The following GUF1 variants were observed in gnomAD, a reference collection of about 807,000 sequenced individuals.
The protein encoded by GUF1 is translation factor GUF1, mitochondrial.
In GUF1, 78 loss-of-function variants were observed where a neutral mutation model predicts 82.4. That is an observed-to-expected ratio of 0.95 (90% CI 0.79 to 1.14). The LOEUF is 1.14. Ranked by LOEUF, GUF1 falls within the 50% of genes most tolerant of loss-of-function variation. The probability of loss-of-function intolerance (pLI) is 0.00; values close to 1 mark genes in which losing one functional copy is unlikely to be tolerated. For missense variants in GUF1, 814 were observed against 798.2 expected (o/e 1.02, Z -0.24); for synonymous variants, 279 against 282.3 (o/e 0.99, Z 0.12).
chr4:44,697,437 C>A lies in GUF1; in HGVS notation c.1865C>A (p.Ala622Glu). The part of the protein sequence containing the change: ...TVKAYRKNVL[A>E]KCYGGDITRK... Reference sequence around the variant, plus strand: ...AAAGCCTATAGGAAAAACGTTTTGGCAAAATGTGTATGTATCTAGTTGTAT... The same window carrying A: ...AAAGCCTATAGGAAAAACGTTTTGGAAAAATGTGTATGTATCTAGTTGTAT... Residue 622 changes from alanine (A) to glutamate (E), a missense_variant, in exon 16 of 17, where the codon GCA becomes GAA. By Grantham distance (107) the Ala-to-Glu change is moderately radical. Transcript: ENST00000281543. 6.4e-7 allele frequency: 1 copy of A among 1,553,954 alleles called. No individual in the cohort carries two copies. Among genetic ancestry groups the A allele is most frequent in the African/African-American group, 1.4e-5 (1 of 72,996 alleles).
At chr4:44,698,491 A>G in intron 16 of GUF1, 53 bp from the exon 17 acceptor site, 4 of 1,406,914 alleles carry the variant, frequency 2.8e-6, no homozygotes, top group Non-Finnish European at 3.9e-6. Flanking sequence ...TAATCATATG[A>G]TTGTTTCTCT....
chr4:44,686,974 T>C (rs1560343849), intron 8 of GUF1, among the ~76,000 whole-genome samples: 1 of 151,938 alleles, frequency 6.6e-6, no homozygotes, highest in African/African-American at 2.4e-5. Flanking sequence ...TCGATGTATT[T>C]GATGAGACAA....
At position 44,700,146 on chromosome 4, in the gene GUF1, G is replaced by C. The variant is rs554623446; in HGVS notation, c.*1465G>C. On this transcript the variant is annotated 3_prime_UTR_variant, in exon 17 of 17. Coordinates refer to ENST00000281543, the MANE Select transcript of GUF1 (RefSeq NM_021927.3). ...TATCAAGGATGAATTTTATACTAAG[G>C]TTATATGAAAGAAAAATCTCAAAAC... is the stretch of plus-strand genomic sequence containing the variant. The C allele has an allele frequency of 1.2e-4, 19 of 152,230 alleles. No homozygotes were observed. Among genetic ancestry groups the C allele is most frequent in the Admixed American group, 3.9e-4 (6 of 15,286 alleles). 9.4% of individuals were successfully genotyped at this position (152,230 alleles called of 1,614,324 possible).
At position 44,700,141 on chromosome 4, in the gene GUF1, C is replaced by T. The variant is rs1327961181; in HGVS notation, c.*1460C>T. 6.6e-6 allele frequency: 1 copy of T among 152,108 alleles called. No homozygotes were observed. Among genetic ancestry groups the T allele is most frequent in the Non-Finnish European group, 1.5e-5 (1 of 68,022 alleles). 9.4% of individuals were successfully genotyped at this position (152,108 alleles called of 1,614,324 possible). A position where few individuals can be genotyped will look rare whatever the true frequency, so the allele number is the denominator to read the frequency against. ...AACACTATCAAGGATGAATTTTATA[C>T]TAAGGTTATATGAAAGAAAAATCTC... On this transcript the variant is annotated 3_prime_UTR_variant, in exon 17 of 17. Coordinates refer to ENST00000281543, the MANE Select transcript of GUF1 (RefSeq NM_021927.3).
intron 6 of GUF1, among the ~76,000 whole-genome samples, chr4:44,685,686 A>G (rs1301601519): frequency 6.6e-6 from 1 of 152,072 alleles, no homozygotes; most frequent in Non-Finnish European, 1.5e-5. Context: ...ATGCAAAGAC[A>G]TGATTGTTAC....
intron 13 of GUF1, among the ~76,000 whole-genome samples, chr4:44,693,752 T>C (rs1356092199): frequency 6.6e-6 from 1 of 152,134 alleles, no homozygotes; most frequent in Admixed American, 6.5e-5. Context: ...TAAATGTCTG[T>C]TTTGACTAAC....
chr4:44,691,603 T>G, intron 12 of GUF1, 63 bp from the exon 13 acceptor site: 3 of 1,291,644 alleles, frequency 2.3e-6, no homozygotes, highest in East Asian at 4.9e-5. Flanking sequence ...TTTAGAGAAA[T>G]ACATCATTCC....
intron 15 of GUF1, 23 bp from the exon 16 acceptor site, chr4:44,697,385 A>G (rs766884653): frequency 1.3e-5 from 19 of 1,518,278 alleles, no homozygotes; most frequent in Non-Finnish European, 1.7e-5. Context: ...TTATGTACTT[A>G]AACGAATTTT....
rs1277632478 is a variant in GUF1 at position 44,699,699 on chromosome 4, C to T, written c.*1018C>T. ...CTTATTAAACAGTAAACTCAAATAA[C>T]ATAGACATCAAATAACAGACATCTG... On this transcript the variant is annotated 3_prime_UTR_variant, in exon 17 of 17. Coordinates refer to ENST00000281543, the MANE Select transcript of GUF1 (RefSeq NM_021927.3). 2 of 152,170 alleles carry T rather than the reference C, an allele frequency of 1.3e-5. No homozygotes were observed. Among genetic ancestry groups the T allele is most frequent in the Non-Finnish European group, 2.9e-5 (2 of 68,012 alleles). The allele number at this position is 152,170 out of a possible 1,614,324, so 9.4% of individuals were successfully genotyped here.
At chr4:44,684,121 A>G (rs1297866681) in intron 6 of GUF1, among the ~76,000 whole-genome samples, 1 of 152,132 alleles carries the variant, frequency 6.6e-6, no homozygotes, top group East Asian at 1.9e-4. Context: ...TCAATAAATA[A>G]GTAAACAAAG....
intron 13 of GUF1, chr4:44,694,209 G>A: frequency 2.0e-6 from 1 of 495,912 alleles, no homozygotes; most frequent in East Asian, 4.0e-5. Context: ...TATTCCCCTT[G>A]CTTTTGCCCT....
chr4:44,686,852 C>A, intron 8 of GUF1, 139 bp downstream of exon 8: 1 of 616,168 alleles, frequency 1.6e-6, no homozygotes, highest in Non-Finnish European at 2.9e-6. Context: ...ACAGTAAATG[C>A]TCTGTCAAGG....
chr4:44,688,254 C>G, intron 9 of GUF1, 108 bp downstream of exon 9: 3 of 1,035,386 alleles, frequency 2.9e-6, no homozygotes, highest in African/African-American at 1.6e-5. Context: ...TAAATAACCA[C>G]TAATTCCAGC....
At position 44,697,428 on chromosome 4, in the gene GUF1, A is replaced by C. The variant is rs1427696900; in HGVS notation, c.1856A>C (p.Asn619Thr). ...ARETVKAYRK[N>T]VLAKCYGGDI... is the part of the protein sequence containing the mutation. ...TACAGTGTGAAAGCCTATAGGAAAAACGTTTTGGCAAAATGTGTATGTATC... is the reference window on the plus strand; with the variant it reads ...TACAGTGTGAAAGCCTATAGGAAAACCGTTTTGGCAAAATGTGTATGTATC... Residue 619 changes from asparagine to threonine, a missense_variant, in exon 16 of 17, where the codon AAC (asparagine) becomes ACC (threonine). Transcript: ENST00000281543. The C allele has an allele frequency of 1.3e-6, 2 of 1,563,394 alleles. No homozygotes were observed. Among genetic ancestry groups the C allele is most frequent in the Non-Finnish European group, 8.7e-7 (1 of 1,144,044 alleles).
At chr4:44,687,210 G>A (rs1477079945) in intron 8 of GUF1, among the ~76,000 whole-genome samples, 1 of 151,918 alleles carries the variant, frequency 6.6e-6, no homozygotes, top group Non-Finnish European at 1.5e-5. Flanking sequence ...TATTTATTGA[G>A]TGCCTACTCC....
Position 44,689,325 on chromosome 4 carries a change from A to G in GUF1, c.1118A>G (p.Lys373Arg), listed in dbSNP as rs762008984. 1 of 1,610,074 alleles carries G rather than the reference A, an allele frequency of 6.2e-7. No individual in the cohort carries two copies. Among genetic ancestry groups the G allele is most frequent in the African/African-American group, 1.3e-5 (1 of 74,712 alleles). ...PLDQSEYNNLKSAIEKLTLND... is the reference protein window; with the variant it reads ...PLDQSEYNNLRSAIEKLTLND... ...GACCAATCTGAATATAACAATCTGAAGAGTGCTATAGAAAAACTGACTTTA... is the reference window on the plus strand; with the variant it reads ...GACCAATCTGAATATAACAATCTGAGGAGTGCTATAGAAAAACTGACTTTA... Residue 373 changes from lysine (K) to arginine (R), a missense_variant, in exon 10 of 17, where the codon AAG (lysine) becomes AGG (arginine). Transcript: ENST00000281543.
chr4:44,696,253 A>ACCAT (rs1416997753), intron 15 of GUF1, among the ~76,000 whole-genome samples: 1 of 152,134 alleles, frequency 6.6e-6, no homozygotes, highest in Non-Finnish European at 1.5e-5. Flanking sequence ...TAGATATGGA[A>ACCAT]GACAGGCTAA....
rs764933363 is a variant in GUF1 at position 44,680,486 on chromosome 4, T to C, written c.211T>C (p.Phe71Leu). 1 of 1,608,650 alleles carries C rather than the reference T, an allele frequency of 6.2e-7. No individual in the cohort carries two copies. Among genetic ancestry groups the C allele is most frequent in the South Asian group, 1.1e-5 (1 of 90,060 alleles). Residue 71 changes from phenylalanine to leucine, a missense_variant, in exon 2 of 17, where the codon TTC (phenylalanine) becomes CTC (leucine). Coordinates refer to ENST00000281543, the MANE Select transcript of GUF1 (RefSeq NM_021927.3). The part of the protein sequence containing the change: ...SRFPVENIRN[F>L]SIVAHVDHGK... ...GTTTCCTGTTGAAAATATTAGAAAT[T>C]TCAGTATTGTTGCACACGTGGATCA... is the stretch of plus-strand genomic sequence containing the variant.
At chr4:44,681,774 T>C (rs572501760) in intron 4 of GUF1, among the ~76,000 whole-genome samples, 1 of 152,186 alleles carries the variant, frequency 6.6e-6, no homozygotes, top group Non-Finnish European at 1.5e-5. Flanking sequence ...GTGACCGTGT[T>C]GTGTTAAGCC....
Sources: gnomAD v4.1 joint callset for allele counts (sites outside exome capture counted in the v4.1 genomes callset) on GRCh38, gnomAD v4.1.1 for gene constraint, MANE v1.5 for transcripts, NCBI Gene and HGNC (gene_info 2026-07-23, HGNC 2026-07-21) for gene names.